The following DUS2 variants were observed in gnomAD, a reference collection of about 807,000 sequenced individuals.
The protein encoded by DUS2 is dihydrouridine synthase 2, also known as tRNA-dihydrouridine(20) synthase [NAD(P)+]-like.
Under a neutral mutation model 71.3 loss-of-function variants are expected in DUS2, and 52 were observed. That is an observed-to-expected ratio of 0.73 (90% confidence interval 0.58 to 0.92). DUS2 has a LOEUF of 0.92. Among genes scored for constraint, DUS2 ranks in the 40% least tolerant of loss-of-function variants. The probability of loss-of-function intolerance (pLI) is 0.00; values close to 1 mark genes in which losing one functional copy is unlikely to be tolerated. For missense variants in DUS2, 558 were observed against 622.6 expected, an observed-to-expected ratio of 0.90 and a Z score of 1.10; for synonymous variants, 204 against 227.8, an observed-to-expected ratio of 0.90 and a Z score of 0.94.
chr16:68,026,875 G>GAAAAAAAAAAAAAAAAAAAAAAAAA, intron 2 of DUS2: 1 of 63,676 alleles, frequency 1.6e-5, no homozygotes, highest in Non-Finnish European at 3.1e-5. Flanking sequence ...GAGTCTATCT[G>GAAAAAAAAAAAAAAAAAAAAAAAAA]AAAAAAAAAA....
intron 3 of DUS2, among the ~76,000 whole-genome samples, chr16:68,038,626 A>G (rs773114322): frequency 1.3e-5 from 2 of 150,450 alleles, no homozygotes; most frequent in African/African-American, 2.4e-5. Context: ...GCTACTCGGG[A>G]GGGTGAGGCA....
intron 3 of DUS2, among the ~76,000 whole-genome samples, chr16:68,049,256 G>A (rs2033744521): frequency 6.6e-6 from 1 of 152,032 alleles, no homozygotes; most frequent in South Asian, 2.1e-4. Context: ...TGGCTAAGTG[G>A]TTCATTCATT....
intron 3 of DUS2, among the ~76,000 whole-genome samples, chr16:68,043,719 C>G (rs2151416562): frequency 6.6e-6 from 1 of 152,226 alleles, no homozygotes. Flanking sequence ...CGCAGGAGTG[C>G]AGTGGCACCA....
chr16:68,038,072 G>C lies in DUS2; in HGVS notation c.49G>C (p.Ala17Pro). 6.2e-7 allele frequency: 1 copy of C among 1,613,794 alleles called. No homozygotes were observed. Among genetic ancestry groups the C allele is most frequent in the Non-Finnish European group, 8.5e-7 (1 of 1,179,918 alleles). Residue 17 changes from alanine (A) to proline (P), a missense_variant, in exon 3 of 17, where the codon GCC becomes CCC. Ala to Pro is a conservative substitution (Grantham distance 27). Coordinates refer to ENST00000565263, the MANE Select transcript of DUS2 (RefSeq NM_017803.5). Reference protein sequence around the residue: ...SLCYHNKLILAPMVRVGTLPM... With the variant: ...SLCYHNKLILPPMVRVGTLPM... ...GTGTTACCATAATAAGCTAATCCTG[G>C]CCCCAATGGTTCGGGTAGGGACTCT...
At chr16:68,047,372 A>G (rs921365537) in intron 3 of DUS2, among the ~76,000 whole-genome samples, 2 of 151,904 alleles carry the variant, frequency 1.3e-5, no homozygotes, top group Non-Finnish European at 2.9e-5. Context: ...TCTGATTTTA[A>G]TAATTTTTGT....
intron 2 of DUS2, 145 bp downstream of exon 2, chr16:68,025,639 CCTGT>C (rs999845385): frequency 8.5e-5 from 13 of 152,132 alleles, no homozygotes; most frequent in Non-Finnish European, 1.6e-4. Context: ...CTTGCCTAAG[CCTGT>C]CTGTGTCCGT....
At chr16:68,034,506 C>T (rs1194812731) in intron 2 of DUS2, among the ~76,000 whole-genome samples, 1 of 152,178 alleles carries the variant, frequency 6.6e-6, no homozygotes, top group Non-Finnish European at 1.5e-5. Flanking sequence ...GCATGTGCCA[C>T]CACCCCCAGC....
At chr16:68,031,749 C>T (rs2033442097) in intron 2 of DUS2, among the ~76,000 whole-genome samples, 1 of 151,932 alleles carries the variant, frequency 6.6e-6, no homozygotes, top group Non-Finnish European at 1.5e-5. Flanking sequence ...GGCTGGAGGG[C>T]AGTGGTGCGA....
At chr16:68,052,561 T>C (rs1462093110) in intron 4 of DUS2, among the ~76,000 whole-genome samples, 5 of 152,094 alleles carry the variant, frequency 3.3e-5, no homozygotes, top group African/African-American at 7.2e-5. Flanking sequence ...TGTAAGTAAA[T>C]AGTAAATTTG....
intron 2 of DUS2, among the ~76,000 whole-genome samples, chr16:68,032,908 CAAAAAAAAAA>C (rs71145986): frequency 5.2e-5 from 3 of 57,944 alleles, no homozygotes; most frequent in African/African-American, 7.4e-5. Context: ...GACTCCATCT[CAAAAAAAAAA>C]AAAAAAAAAA....
intron 2 of DUS2, among the ~76,000 whole-genome samples, chr16:68,036,400 A>C (rs1171323398): frequency 6.6e-6 from 1 of 151,964 alleles, no homozygotes; most frequent in African/African-American, 2.4e-5. Context: ...ACCTCAGGTG[A>C]TCCACCTGCC....
chr16:68,062,542 A>G (rs772407717), intron 8 of DUS2, among the ~76,000 whole-genome samples: 2 of 151,394 alleles, frequency 1.3e-5, no homozygotes, highest in Non-Finnish European at 2.9e-5. Context: ...ACACGGTGAA[A>G]CCCAGTCTCT....
intron 7 of DUS2, 90 bp downstream of exon 7, chr16:68,056,514 C>T (rs1222088183): frequency 2.8e-6 from 3 of 1,080,544 alleles, no homozygotes; most frequent in Non-Finnish European, 4.2e-6. Flanking sequence ...TAACTCTGGA[C>T]TGGATTCTGT....
At chr16:68,045,434 C>T (rs1266931799) in intron 3 of DUS2, among the ~76,000 whole-genome samples, 1 of 151,400 alleles carries the variant, frequency 6.6e-6, no homozygotes, top group African/African-American at 2.4e-5. Context: ...GATGAAACCC[C>T]ATCTCTATTA....
intron 8 of DUS2, among the ~76,000 whole-genome samples, chr16:68,063,785 G>A (rs780354847): frequency 1.3e-5 from 2 of 152,050 alleles, no homozygotes; most frequent in East Asian, 3.9e-4. Context: ...GTGCAGTGGT[G>A]CGATCTCAGC....
intron 8 of DUS2, among the ~76,000 whole-genome samples, chr16:68,062,875 T>C (rs2151422662): frequency 6.6e-6 from 1 of 152,220 alleles, no homozygotes; most frequent in East Asian, 1.9e-4. Context: ...GTCAGGTCAA[T>C]AGGCACCTCA....
intron 1 of DUS2, chr16:68,024,070 G>T: frequency 6.5e-6 from 1 of 153,210 alleles, no homozygotes. Flanking sequence ...TATTCGGGTT[G>T]TAAAAACAAG....
At chr16:68,025,972 A>T (rs573266691) in intron 2 of DUS2, among the ~76,000 whole-genome samples, 22 of 152,200 alleles carry the variant, frequency 1.4e-4, no homozygotes, top group Non-Finnish European at 2.4e-4. Flanking sequence ...GCCCTTGTGG[A>T]GTTTACATTC....
At chr16:68,061,330 A>T (rs2033937518) in intron 8 of DUS2, among the ~76,000 whole-genome samples, 1 of 152,158 alleles carries the variant, frequency 6.6e-6, no homozygotes, top group Non-Finnish European at 1.5e-5. Context: ...GTTCCTAAAA[A>T]GCCCAGAGCA....
Sources: gnomAD v4.1 joint callset for allele counts (sites outside exome capture counted in the v4.1 genomes callset) on GRCh38, gnomAD v4.1.1 for gene constraint, MANE v1.5 for transcripts, NCBI Gene and HGNC (gene_info 2026-07-23, HGNC 2026-07-21) for gene names.